ZHX2: variants seen among roughly 807,000 people sequenced by gnomAD.
ZHX2 encodes the protein zinc fingers and homeoboxes protein 2.
In ZHX2, 6 loss-of-function variants were observed where a neutral mutation model predicts 21.9. The observed-to-expected ratio is 0.27, with a 90% CI of 0.15 to 0.54. The LOEUF (loss-of-function observed/expected upper bound fraction) is 0.54. ZHX2 is among the 20% of genes least tolerant of loss of function. The probability of loss-of-function intolerance (pLI) is 0.95; values close to 1 mark genes in which losing one functional copy is unlikely to be tolerated. For missense variants in ZHX2, 908 were observed against 1,090.7 expected (o/e 0.83, Z 2.36); for synonymous variants, 434 against 437.1 (o/e 0.99, Z 0.09).
chr8:122,868,606 CAGG>C (rs1819354641), intron 2 of ZHX2, among the ~76,000 whole-genome samples: 1 of 150,368 alleles, frequency 6.7e-6, no homozygotes, highest in African/African-American at 2.5e-5. Flanking sequence ...GAGGCTGAGG[CAGG>C]AGAATGGCGA....
chr8:122,910,217 C>T (rs1465841745), intron 2 of ZHX2, among the ~76,000 whole-genome samples: 1 of 151,994 alleles, frequency 6.6e-6, no homozygotes, highest in Non-Finnish European at 1.5e-5. Flanking sequence ...AGGGCACTGC[C>T]CCGGGCACAT....
intron 2 of ZHX2, among the ~76,000 whole-genome samples, chr8:122,948,082 C>G (rs1813022557): frequency 6.6e-6 from 1 of 152,210 alleles, no homozygotes; most frequent in African/African-American, 2.4e-5. Flanking sequence ...GGGCCAGGTT[C>G]TGGGTTCACT....
rs569366663 is a variant in ZHX2 at position 122,782,530 on chromosome 8, C to T, written c.-283+584C>T. Among the ~76,000 whole-genome samples, 43 of 152,260 alleles carry T rather than the reference C, an allele frequency of 2.8e-4. No homozygotes were observed. Among genetic ancestry groups the T allele is most frequent in the African/African-American group, 1.0e-3 (43 of 41,570 alleles). On this transcript the variant is annotated intron_variant, in intron 1 of 3. Coordinates refer to ENST00000314393, the MANE Select transcript of ZHX2 (RefSeq NM_014943.5). The surrounding 1 kb of genome is among the most constrained non-coding windows in gnomAD (Gnocchi z 5.3). ...CTCCCTCCCCCTCTCCCCTCGCTCC[C>T]CTCTCCCGGTGACGATTCGCCGTAA...
intron 2 of ZHX2, among the ~76,000 whole-genome samples, chr8:122,868,738 G>A (rs1056712268): frequency 5.3e-5 from 8 of 151,448 alleles, no homozygotes; most frequent in African/African-American, 1.9e-4. Flanking sequence ...GACATGGCGG[G>A]GCTCACCTAT....
At chr8:122,881,001 C>G (rs1186847880) in intron 2 of ZHX2, among the ~76,000 whole-genome samples, 1 of 152,136 alleles carries the variant, frequency 6.6e-6, no homozygotes, top group Non-Finnish European at 1.5e-5. Context: ...TGCAGTAAAC[C>G]TGAGTGACTG....
rs144807512 is a variant in ZHX2, at chr8:122,894,389, A to T, written c.-220+30850A>T. Among the ~76,000 whole-genome samples, 271 of 152,344 alleles carry T rather than the reference A, an allele frequency of 1.8e-3. 1 individual carries two copies. Among genetic ancestry groups the T allele is most frequent in the Non-Finnish European group, 3.1e-3 (214 of 68,020 alleles). On this transcript the variant is annotated intron_variant, in intron 2 of 3. Transcript: ENST00000314393. ...ACATTTTCACATCCTTTATAAGGTG[A>T]CACCATGCATGGAAAAGAAGGCAGC... is the stretch of plus-strand genomic sequence containing the variant.
At chr8:122,942,780 C>G (rs997516044) in intron 2 of ZHX2, among the ~76,000 whole-genome samples, 1 of 152,196 alleles carries the variant, frequency 6.6e-6, no homozygotes, top group African/African-American at 2.4e-5. Context: ...TTTCCTTCTC[C>G]CAGGGGCTGC....
At chr8:122,810,314 T>C (rs1817901230) in intron 1 of ZHX2, 1 of 152,172 alleles carries the variant, frequency 6.6e-6, no homozygotes, top group Non-Finnish European at 1.5e-5. Flanking sequence ...TTGTTTTGAG[T>C]ATTAAATGCA....
intron 1 of ZHX2, among the ~76,000 whole-genome samples, chr8:122,841,628 A>C (rs949724906): frequency 6.6e-6 from 1 of 152,118 alleles, no homozygotes; most frequent in African/African-American, 2.4e-5. Context: ...CTGAATGCTT[A>C]ATTGTTCTCT....
intron 1 of ZHX2, among the ~76,000 whole-genome samples, chr8:122,797,539 T>C (rs1817635745): frequency 6.6e-6 from 1 of 152,172 alleles, no homozygotes; most frequent in Admixed American, 6.5e-5. Flanking sequence ...AATTTCCCTT[T>C]TACCTTGAAC....
chr8:122,803,000 C>T (rs985735594), intron 1 of ZHX2, among the ~76,000 whole-genome samples: 3 of 129,354 alleles, frequency 2.3e-5, no homozygotes, highest in African/African-American at 8.7e-5. Flanking sequence ...GACCAGCGGG[C>T]GGCAGCACGA....
chr8:122,878,823 T>C (rs553014276), intron 2 of ZHX2, among the ~76,000 whole-genome samples: 1 of 152,320 alleles, frequency 6.6e-6, no homozygotes, highest in East Asian at 1.9e-4. Flanking sequence ...TCCTCAAAGA[T>C]GTGCTTGAGA....
chr8:122,910,185 T>C (rs1038960234), intron 2 of ZHX2, among the ~76,000 whole-genome samples: 3 of 151,516 alleles, frequency 2.0e-5, no homozygotes, highest in African/African-American at 7.3e-5. Flanking sequence ...CTAGTAATAA[T>C]CATAATGACT....
chr8:122,875,115 G>A, intron 2 of ZHX2, among the ~76,000 whole-genome samples: 1 of 119,498 alleles, frequency 8.4e-6, no homozygotes, highest in Non-Finnish European at 1.7e-5. Context: ...GCTTTTAGAG[G>A]AAGGAAAACT....
chr8:122,868,462 G>A (rs1371643888), intron 2 of ZHX2, among the ~76,000 whole-genome samples: 1 of 151,688 alleles, frequency 6.6e-6, no homozygotes, highest in African/African-American at 2.4e-5. Flanking sequence ...AGCCTGGGCA[G>A]CATAGGGAGA....
At chr8:122,797,855 A>T (rs969567081) in intron 1 of ZHX2, among the ~76,000 whole-genome samples, 5 of 152,268 alleles carry the variant, frequency 3.3e-5, no homozygotes, top group Admixed American at 3.3e-4. Flanking sequence ...TACTGCCAGC[A>T]CTAATGATAC....
chr8:122,844,801 C>T (rs547853101), intron 1 of ZHX2, among the ~76,000 whole-genome samples: 1 of 152,188 alleles, frequency 6.6e-6, no homozygotes, highest in African/African-American at 2.4e-5. Flanking sequence ...AATGACTGCT[C>T]TTTACAGGAG....
chr8:122,848,726 G>C (rs912559213), intron 1 of ZHX2, among the ~76,000 whole-genome samples: 6 of 152,208 alleles, frequency 3.9e-5, no homozygotes, highest in Admixed American at 6.5e-5. Context: ...AGAGGGAATG[G>C]ACAATCGCTG....
chr8:122,945,456 A>AAC (rs1293841617), intron 2 of ZHX2, among the ~76,000 whole-genome samples: 5 of 134,570 alleles, frequency 3.7e-5, no homozygotes, highest in Non-Finnish European at 8.4e-5. Context: ...AAAAAAAAAA[A>AAC]AAAAAAAGGC....
Sources: allele counts gnomAD v4.1 joint callset (sites outside exome capture counted in the v4.1 genomes callset), GRCh38; gene constraint gnomAD v4.1.1; non-coding constraint Gnocchi (gnomAD v3.1); transcripts MANE v1.5; gene names NCBI Gene and HGNC (gene_info 2026-07-23, HGNC 2026-07-21).